Variants in FZD10 observed in about 807,000 individuals in gnomAD.
FZD10 encodes frizzled-10.
FZD10 carries 14 observed loss-of-function variants against 24.4 expected under a neutral mutation model. That is an observed-to-expected ratio of 0.57 (90% CI 0.38 to 0.90). The LOEUF (loss-of-function observed/expected upper bound fraction) is 0.90, where lower values mean the gene tolerates loss of function less well. Among genes scored for constraint, FZD10 ranks in the 40% least tolerant of loss-of-function variants. The probability of loss-of-function intolerance (pLI) is 0.00; values close to 1 mark genes in which losing one functional copy is unlikely to be tolerated. For synonymous variants in FZD10, 381 were observed against 349.1 expected (o/e 1.09, Z -1.02); for missense variants, 775 against 816.6 (o/e 0.95, Z 0.62).
chr12:130,163,641 C>T lies in FZD10; in HGVS notation c.699C>T (p.Ile233=). The change falls in exon 1 of 1, where the codon ATC becomes ATT. Residue 233 remains isoleucine, a synonymous_variant. Coordinates refer to ENST00000229030, the MANE Select transcript of FZD10 (RefSeq NM_007197.4). ...DKRFAVVWLA[I]WAVLCFFSSA... Reference sequence around the variant, plus strand: ...GCTTCGCAGTGGTCTGGCTGGCCATCTGGGCGGTGCTGTGCTTCTTCTCCA... The same window carrying T: ...GCTTCGCAGTGGTCTGGCTGGCCATTTGGGCGGTGCTGTGCTTCTTCTCCA... The T allele has an allele frequency of 6.2e-7, 1 of 1,613,172 alleles. No individual in the cohort carries two copies. Among genetic ancestry groups the T allele is most frequent in the Non-Finnish European group, 8.5e-7 (1 of 1,180,024 alleles).
In FZD10 at chr12:130,163,003, A is replaced by G; in HGVS notation, c.61A>G (p.Ile21Val). The G allele has an allele frequency of 6.3e-7, 1 of 1,596,872 alleles. No homozygotes were observed. ...GCAGGTGATGGGCTCGTGCGCCGCC[A>G]TCAGCTCCATGGACATGGAGCGCCC... ...VLQVMGSCAAISSMDMERPGD... is the reference protein window; with the variant it reads ...VLQVMGSCAAVSSMDMERPGD... Residue 21 changes from isoleucine to valine, a missense_variant, in exon 1 of 1, where the codon ATC becomes GTC. Transcript: ENST00000229030.
chr12:130,162,849 A>G lies in FZD10; in HGVS notation c.-94A>G, dbSNP rs1365155130. ...GGCGGGCATGGGCGGGGGCCCGAGC[A>G]GGGGTGGAGAGCCGGGGCCAGCAGC... On this transcript the variant is annotated 5_prime_UTR_variant, in exon 1 of 1. Transcript: ENST00000229030. 1.1e-6 allele frequency: 1 copy of G among 910,848 alleles called. No individual in the cohort carries two copies. Among genetic ancestry groups the G allele is most frequent in the Non-Finnish European group, 1.5e-6 (1 of 655,084 alleles). 56.4% of individuals were successfully genotyped at this position (910,848 alleles called of 1,614,324 possible).
chr12:130,164,898 C>T lies in FZD10; in HGVS notation c.*210C>T, dbSNP rs183541456. On this transcript the variant is annotated 3_prime_UTR_variant, in exon 1 of 1. Coordinates refer to ENST00000229030, the MANE Select transcript of FZD10 (RefSeq NM_007197.4). This position sits in a 1 kb window ranked among gnomAD's most constrained non-coding sequence, Gnocchi z 5.3. ...GTTTTGTTTTGTTTTGGTTTTCCAG[C>T]GAAGGGAAGCTCCTCCAGTGAAGTA... The T allele has an allele frequency of 4.2e-6, 2 of 472,964 alleles. No individual in the cohort carries two copies. The highest frequency in any genetic ancestry group is 3.8e-5 in the Admixed American group (1 of 26,178). The allele number at this position is 472,964 out of a possible 1,614,324, so 29.3% of individuals were successfully genotyped here. A position where few individuals can be genotyped will look rare whatever the true frequency, so the allele number is the denominator to read the frequency against.
chr12:130,164,287 G>A lies in FZD10; in HGVS notation c.1345G>A (p.Val449Met). Residue 449 changes from valine to methionine, a missense_variant, in exon 1 of 1, where the codon GTG becomes ATG. Val to Met is a conservative substitution (Grantham distance 21). Transcript: ENST00000229030. This position sits in a 1 kb window ranked among gnomAD's most constrained non-coding sequence, Gnocchi z 5.3. Reference protein sequence around the residue: ...KLMVRIGLFSVLYTVPATCVI... With the variant: ...KLMVRIGLFSMLYTVPATCVI... Reference sequence around the variant, plus strand: ...CATGGTGCGTATCGGGCTCTTCTCTGTGCTGTACACCGTGCCGGCCACCTG... The same window carrying A: ...CATGGTGCGTATCGGGCTCTTCTCTATGCTGTACACCGTGCCGGCCACCTG... 2 of 1,614,156 alleles carry A rather than the reference G, an allele frequency of 1.2e-6. No individual in the cohort carries two copies. Among genetic ancestry groups the A allele is most frequent in the Non-Finnish European group, 8.5e-7 (1 of 1,180,032 alleles).
rs1328038556 is a variant in FZD10 at position 130,165,526 on chromosome 12, T to C, written c.*838T>C. ...AAGAGGGAGAAGGATCATTCAAAAG[T>C]TACCCAAAGGGCTTATTGACTCTTT... On this transcript the variant is annotated 3_prime_UTR_variant, in exon 1 of 1. Transcript: ENST00000229030. 1 of 166,988 alleles carries C rather than the reference T, an allele frequency of 6.0e-6. No homozygotes were observed. Among genetic ancestry groups the C allele is most frequent in the Non-Finnish European group, 1.5e-5 (1 of 68,128 alleles). The allele number at this position is 166,988 out of a possible 1,614,324, so 10.3% of individuals were successfully genotyped here.
In FZD10 at chr12:130,163,311, G is replaced by C. The variant is rs201223026; in HGVS notation, c.369G>C (p.Gln123His). ...TCAAGTGCTCCCCGATTATGGAGCA[G>C]TTCAACTTCAAGTGGCCCGACTCCC... Reference protein sequence around the residue: ...ARLKCSPIMEQFNFKWPDSLD... With the variant: ...ARLKCSPIMEHFNFKWPDSLD... Residue 123 changes from glutamine (Q) to histidine (H), a missense_variant, in exon 1 of 1, where the codon CAG (glutamine) becomes CAC (histidine). Transcript: ENST00000229030. 2.1e-4 allele frequency: 331 copies of C among 1,612,852 alleles called. 3 individuals carry two copies. The highest frequency in any genetic ancestry group is 2.2e-4 in the Non-Finnish European group (261 of 1,179,924).
chr12:130,165,489 A>G lies in FZD10; in HGVS notation c.*801A>G, dbSNP rs1414573523. On this transcript the variant is annotated 3_prime_UTR_variant, in exon 1 of 1. Coordinates refer to ENST00000229030, the MANE Select transcript of FZD10 (RefSeq NM_007197.4). ...TATAGACGTTTGGACTGATTTGTGG[A>G]AAGGAGGGGGGAAGAGGGAGAAGGA... 1 of 166,970 alleles carries G rather than the reference A, an allele frequency of 6.0e-6. No individual in the cohort carries two copies. The highest frequency in any genetic ancestry group is 1.5e-5 in the Non-Finnish European group (1 of 68,102). The allele number at this position is 166,970 out of a possible 1,614,324, so 10.3% of individuals were successfully genotyped here.
rs775897205 is a variant in FZD10, at chr12:130,163,526, C to G, written c.584C>G (p.Pro195Arg). 1.9e-6 allele frequency: 3 copies of G among 1,589,010 alleles called. No individual in the cohort carries two copies. Among genetic ancestry groups the G allele is most frequent in the East Asian group, 4.5e-5 (2 of 44,530 alleles). Residue 195 changes from proline (P) to arginine (R), a missense_variant, in exon 1 of 1, where the codon CCG (proline) becomes CGG (arginine). Transcript: ENST00000229030. ...CCCGGGCGCGGCGGCTGCGACAACC[C>G]GGGCAAGTTCCACCACGTGGAGAAG... Reference protein sequence around the residue: ...GGPGRGGCDNPGKFHHVEKSA... With the variant: ...GGPGRGGCDNRGKFHHVEKSA...
In FZD10 at chr12:130,164,774, T is replaced by G; in HGVS notation, c.*86T>G. Reference sequence around the variant, plus strand: ...TGTGTTTTTCTTTCTTCTTCTTCTTTTTTTTTTTTTATAAAAGCAAAAGAG... The same window carrying G: ...TGTGTTTTTCTTTCTTCTTCTTCTTGTTTTTTTTTTATAAAAGCAAAAGAG... On this transcript the variant is annotated 3_prime_UTR_variant, in exon 1 of 1. Transcript: ENST00000229030. This position sits in a 1 kb window ranked among gnomAD's most constrained non-coding sequence, Gnocchi z 5.3. 1.1e-6 allele frequency: 1 copy of G among 903,118 alleles called. No individual in the cohort carries two copies. The highest frequency in any genetic ancestry group is 2.3e-5 in the South Asian group (1 of 44,264). The allele number at this position is 903,118 out of a possible 1,614,324, so 55.9% of individuals were successfully genotyped here.
At position 130,164,906 on chromosome 12, in the gene FZD10, A is replaced by T; in HGVS notation, c.*218A>T. 2.1e-6 allele frequency: 1 copy of T among 476,624 alleles called. No homozygotes were observed. Among genetic ancestry groups the T allele is most frequent in the Admixed American group, 3.8e-5 (1 of 26,162 alleles). The allele number at this position is 476,624 out of a possible 1,614,324, so 29.5% of individuals were successfully genotyped here. On this transcript the variant is annotated 3_prime_UTR_variant, in exon 1 of 1. Transcript: ENST00000229030. The surrounding 1 kb of genome is among the most constrained non-coding windows in gnomAD (Gnocchi z 5.3). Reference sequence around the variant, plus strand: ...TTGTTTTGGTTTTCCAGCGAAGGGAAGCTCCTCCAGTGAAGTAGCCTCTTG... The same window carrying T: ...TTGTTTTGGTTTTCCAGCGAAGGGATGCTCCTCCAGTGAAGTAGCCTCTTG...
At position 130,164,197 on chromosome 12, in the gene FZD10, G is replaced by T. The variant is rs768728310; in HGVS notation, c.1255G>T (p.Ala419Ser). The change falls in exon 1 of 1, where the codon GCC becomes TCC. Residue 419 changes from alanine to serine, a missense_variant. Ala to Ser is a moderately conservative substitution (Grantham distance 99, BLOSUM62 1). Transcript: ENST00000229030. The surrounding 1 kb of genome is among the most constrained non-coding windows in gnomAD (Gnocchi z 5.3). ...GTCCTTCATCCTCTCGGGCTTCGTG[G>T]CCCTGTTCCACATCCGGAGGGTGAT... ...GTSFILSGFV[A>S]LFHIRRVMKT... is the part of the protein sequence containing the mutation. 9 of 1,614,120 alleles carry T rather than the reference G, an allele frequency of 5.6e-6. No individual in the cohort carries two copies. In the East Asian group the frequency reaches 2.0e-4, roughly 36 times the overall value.
At position 130,163,783 on chromosome 12, in the gene FZD10, C is replaced by T. The variant is rs753983549; in HGVS notation, c.841C>T (p.Leu281Phe). 1 of 1,613,954 alleles carries T rather than the reference C, an allele frequency of 6.2e-7. No homozygotes were observed. The highest frequency in any genetic ancestry group is 8.5e-7 in the Non-Finnish European group (1 of 1,180,052). Residue 281 changes from leucine to phenylalanine, a missense_variant, in exon 1 of 1, where the codon CTC becomes TTC. Leu to Phe is a conservative substitution (Grantham distance 22). Coordinates refer to ENST00000229030, the MANE Select transcript of FZD10 (RefSeq NM_007197.4). ...CTACTCCGTGGGCTACCTCATCCGCCTCTTCGCCGGCGCCGAGAGCATCGC... is the reference window on the plus strand; with the variant it reads ...CTACTCCGTGGGCTACCTCATCCGCTTCTTCGCCGGCGCCGAGAGCATCGC... ...CVYSVGYLIR[L>F]FAGAESIACD...
Position 130,165,486 on chromosome 12 carries a change from T to A in FZD10, c.*798T>A, listed in dbSNP as rs572872447. 6.0e-6 allele frequency: 1 copy of A among 167,016 alleles called. No homozygotes were observed. Among genetic ancestry groups the A allele is most frequent in the Admixed American group, 6.5e-5 (1 of 15,296 alleles). 10.3% of individuals were successfully genotyped at this position (167,016 alleles called of 1,614,324 possible). ...TGTTATAGACGTTTGGACTGATTTG[T>A]GGAAAGGAGGGGGGAAGAGGGAGAA... is the stretch of plus-strand genomic sequence containing the variant. On this transcript the variant is annotated 3_prime_UTR_variant, in exon 1 of 1. Coordinates refer to ENST00000229030, the MANE Select transcript of FZD10 (RefSeq NM_007197.4).
chr12:130,164,921 G>C lies in FZD10; in HGVS notation c.*233G>C. Reference sequence around the variant, plus strand: ...AGCGAAGGGAAGCTCCTCCAGTGAAGTAGCCTCTTGTGTAACTAATTTGTG... The same window carrying C: ...AGCGAAGGGAAGCTCCTCCAGTGAACTAGCCTCTTGTGTAACTAATTTGTG... On this transcript the variant is annotated 3_prime_UTR_variant, in exon 1 of 1. Transcript: ENST00000229030. This position sits in a 1 kb window ranked among gnomAD's most constrained non-coding sequence, Gnocchi z 5.3. 2 of 454,364 alleles carry C rather than the reference G, an allele frequency of 4.4e-6. No individual in the cohort carries two copies. The highest frequency in any genetic ancestry group is 5.1e-5 in the South Asian group (1 of 19,758). The allele number at this position is 454,364 out of a possible 1,614,324, so 28.1% of individuals were successfully genotyped here.
At position 130,164,300 on chromosome 12, in the gene FZD10, T is replaced by G; in HGVS notation, c.1358T>G (p.Val453Gly). The G allele has an allele frequency of 6.2e-7, 1 of 1,614,158 alleles. No homozygotes were observed. ...GGGCTCTTCTCTGTGCTGTACACCGTGCCGGCCACCTGTGTGATCGCCTGC... is the reference window on the plus strand; with the variant it reads ...GGGCTCTTCTCTGTGCTGTACACCGGGCCGGCCACCTGTGTGATCGCCTGC... ...RIGLFSVLYT[V>G]PATCVIACYF... The change falls in exon 1 of 1, where the codon GTG becomes GGG. Residue 453 changes from valine to glycine, a missense_variant. Transcript: ENST00000229030. The surrounding 1 kb of genome is among the most constrained non-coding windows in gnomAD (Gnocchi z 5.3).
Position 130,163,607 on chromosome 12 carries a change from A to T in FZD10, c.665A>T (p.Glu222Val), listed in dbSNP as rs760356190. Residue 222 changes from glutamate (E) to valine (V), a missense_variant, in exon 1 of 1, where the codon GAG (glutamate) becomes GTG (valine). Coordinates refer to ENST00000229030, the MANE Select transcript of FZD10 (RefSeq NM_007197.4). ...GGCGTGGACGTGTACTGGAGCCGCG[A>T]GGACAAGCGCTTCGCAGTGGTCTGG... ...TPGVDVYWSR[E>V]DKRFAVVWLA... 6.2e-7 allele frequency: 1 copy of T among 1,612,474 alleles called. No homozygotes were observed. The highest frequency in any genetic ancestry group is 2.2e-5 in the East Asian group (1 of 44,836).
Position 130,162,926 on chromosome 12 carries a change from A to C in FZD10, c.-17A>C. On this transcript the variant is annotated 5_prime_UTR_variant, in exon 1 of 1. Transcript: ENST00000229030. ...GAGGGGCGCGGAGCTCCCCGCGAGG[A>C]CACGTCCAACGCCAGCATGCAGCGC... 1.4e-6 allele frequency: 2 copies of C among 1,479,344 alleles called. No homozygotes were observed. Among genetic ancestry groups the C allele is most frequent in the South Asian group, 2.7e-5 (2 of 74,692 alleles). 91.6% of individuals were successfully genotyped at this position (1,479,344 alleles called of 1,614,324 possible).
chr12:130,163,576 A>C lies in FZD10; in HGVS notation c.634A>C (p.Thr212Pro). The change falls in exon 1 of 1, where the codon ACG (threonine) becomes CCG (proline). Residue 212 changes from threonine to proline, a missense_variant. By Grantham distance (38) the Thr-to-Pro change is conservative. Transcript: ENST00000229030. ...EKSASCAPLCTPGVDVYWSRE... is the reference protein window; with the variant it reads ...EKSASCAPLCPPGVDVYWSRE... ...GAGCGCGTCGTGCGCGCCGCTCTGCACGCCCGGCGTGGACGTGTACTGGAG... is the reference window on the plus strand; with the variant it reads ...GAGCGCGTCGTGCGCGCCGCTCTGCCCGCCCGGCGTGGACGTGTACTGGAG... 1 of 1,607,942 alleles carries C rather than the reference A, an allele frequency of 6.2e-7. No individual in the cohort carries two copies. Among genetic ancestry groups the C allele is most frequent in the South Asian group, 1.1e-5 (1 of 90,850 alleles).
chr12:130,162,720 T>G lies in FZD10; in HGVS notation c.-223T>G. The G allele has an allele frequency of 2.7e-5, 7 of 260,568 alleles. No individual in the cohort carries two copies. Among genetic ancestry groups the G allele is most frequent in the South Asian group, 1.7e-4 (1 of 5,782 alleles). 16.1% of individuals were successfully genotyped at this position (260,568 alleles called of 1,614,324 possible). On this transcript the variant is annotated 5_prime_UTR_variant, in exon 1 of 1. Transcript: ENST00000229030. The stretch of plus-strand genomic sequence containing the variant: ...CGGGGGCTTCCCTCGCTTCCCGGTA[T>G]TGTTTGCAAACTTTGCTGCTCTCCG...
Sources: allele counts gnomAD v4.1 joint callset, GRCh38; gene constraint gnomAD v4.1.1; non-coding constraint Gnocchi (gnomAD v3.1); transcripts MANE v1.5; gene names NCBI Gene and HGNC (gene_info 2026-07-23, HGNC 2026-07-21).